The following ADAMTS9 variants were observed in gnomAD, a reference collection of about 807,000 sequenced individuals.
ADAMTS9 encodes ADAM metallopeptidase with thrombospondin type 1 motif 9.
A neutral mutation model predicts 257.1 loss-of-function variants in ADAMTS9; 107 were observed. The ratio of observed to expected loss-of-function variants is 0.42; its 90% CI spans 0.36 to 0.49. The LOEUF (loss-of-function observed/expected upper bound fraction) is 0.49. ADAMTS9 is among the 20% of genes least tolerant of loss of function. The pLI is 0.03. For synonymous variants in ADAMTS9, 982 were observed against 880.9 expected (o/e 1.11, Z -2.03); for missense variants, 2,353 against 2,469.1 (o/e 0.95, Z 1.00).
At chr3:64,529,962 C>A (rs2082955867) in intron 38 of ADAMTS9, among the ~76,000 whole-genome samples, 1 of 151,306 alleles carries the variant, frequency 6.6e-6, no homozygotes. Context: ...CAGGTGCACA[C>A]CACCACAGTC....
intron 27 of ADAMTS9, among the ~76,000 whole-genome samples, chr3:64,595,889 T>G (rs2084356260): frequency 6.6e-6 from 1 of 152,198 alleles, no homozygotes; most frequent in Non-Finnish European, 1.5e-5. Flanking sequence ...CAACAAACTT[T>G]AAATATGTGC....
chr3:64,662,903 T>A (rs1337402026), intron 3 of ADAMTS9, among the ~76,000 whole-genome samples: 1 of 152,138 alleles, frequency 6.6e-6, no homozygotes, highest in Admixed American at 6.6e-5. Context: ...ACACAAACTT[T>A]ATTTCATGCA....
At chr3:64,675,372 C>T (rs573636707) in intron 3 of ADAMTS9, among the ~76,000 whole-genome samples, 2 of 152,264 alleles carry the variant, frequency 1.3e-5, no homozygotes, top group Admixed American at 1.3e-4. Flanking sequence ...AAAGAAGATG[C>T]TCCAAAAATG....
chr3:64,555,004 C>T (rs1052004704), intron 30 of ADAMTS9, among the ~76,000 whole-genome samples: 6 of 152,152 alleles, frequency 3.9e-5, no homozygotes, highest in African/African-American at 7.2e-5. Flanking sequence ...ATTCCCTAAC[C>T]ATGGGGGGAA....
chr3:64,597,283 T>C (rs2084384351), intron 26 of ADAMTS9, among the ~76,000 whole-genome samples: 1 of 152,202 alleles, frequency 6.6e-6, no homozygotes, highest in Non-Finnish European at 1.5e-5. Flanking sequence ...GGCCACTTAC[T>C]GTCTTTATCC....
Position 64,546,964 on chromosome 3 carries a change from G to GGGATTGAGAGGA in ADAMTS9, c.4870-24_4870-13dup, listed in dbSNP as rs540169272. The GGGATTGAGAGGA allele has an allele frequency of 1.0e-4, 161 of 1,597,110 alleles. 1 individual carries two copies. In the East Asian group the frequency reaches 2.7e-3, roughly 27 times the overall value. On this transcript the variant is annotated splice_polypyrimidine_tract_variant and intron_variant, in intron 31 of 39. Transcript: ENST00000498707. The stretch of plus-strand genomic sequence containing the variant: ...CAGGTCACTGAGCACTGCAAAGACA[G>GGGATTGAGAGGA]GGATTGAGAGGAGAGGTTCGAGCAG...
chr3:64,544,327 A>G (rs1559755842), intron 32 of ADAMTS9, among the ~76,000 whole-genome samples: 2 of 152,182 alleles, frequency 1.3e-5, no homozygotes, highest in Non-Finnish European at 2.9e-5. Context: ...AGCCGAAAGA[A>G]CAAAGCTGGA....
intron 30 of ADAMTS9, chr3:64,561,313 C>T (rs1035840775): frequency 6.2e-6 from 2 of 322,960 alleles, no homozygotes; most frequent in South Asian, 8.5e-5. Context: ...GGCCCACAGC[C>T]TGTTAAAGTT....
intron 26 of ADAMTS9, 50 bp downstream of exon 26, chr3:64,601,894 A>T: frequency 6.5e-7 from 1 of 1,540,290 alleles, no homozygotes; most frequent in African/African-American, 1.4e-5. Context: ...TTTTACCCTA[A>T]ACCCAACCTC....
intron 37 of ADAMTS9, among the ~76,000 whole-genome samples, chr3:64,534,681 T>C (rs1365502629): frequency 6.6e-6 from 1 of 152,154 alleles, no homozygotes; most frequent in African/African-American, 2.4e-5. Context: ...CCAGAGGACT[T>C]AGTTTGGACT....
At chr3:64,568,307 C>T in intron 29 of ADAMTS9, 61 bp downstream of exon 29, 7 of 1,549,636 alleles carry the variant, frequency 4.5e-6, no homozygotes, top group Non-Finnish European at 6.1e-6. Context: ...AGTGAACACA[C>T]TGGGGTCAGC....
intron 28 of ADAMTS9, among the ~76,000 whole-genome samples, chr3:64,575,862 A>G (rs971437302): frequency 6.6e-6 from 1 of 152,168 alleles, no homozygotes; most frequent in Non-Finnish European, 1.5e-5. Flanking sequence ...CATCATTACT[A>G]CTATTATTTC....
At chr3:64,670,957 T>C (rs1397194820) in intron 3 of ADAMTS9, among the ~76,000 whole-genome samples, 2 of 152,168 alleles carry the variant, frequency 1.3e-5, no homozygotes, top group Non-Finnish European at 2.9e-5. Context: ...CAAAATGGCA[T>C]AACCACTTTG....
chr3:64,684,235 G>A (rs536252095), intron 2 of ADAMTS9, among the ~76,000 whole-genome samples: 1 of 152,176 alleles, frequency 6.6e-6, no homozygotes, highest in African/African-American at 2.4e-5. Context: ...GAGAAAGACT[G>A]GAGAAGAAGC....
intron 22 of ADAMTS9, among the ~76,000 whole-genome samples, chr3:64,608,258 C>CAAAAAAAAAAAAAAAAAA (rs57247914): frequency 1.9e-5 from 1 of 53,308 alleles, no homozygotes. Flanking sequence ...AAACTAAAAC[C>CAAAAAAAAAAAAAAAAAA]AAAAAAAAAA....
At position 64,604,218 on chromosome 3, in the gene ADAMTS9, A is replaced by G. The variant is rs1227694487; in HGVS notation, c.3579+9T>C. 6.2e-7 allele frequency: 1 copy of G among 1,609,334 alleles called. No individual in the cohort carries two copies. The highest frequency in any genetic ancestry group is 8.5e-7 in the Non-Finnish European group (1 of 1,176,966). The stretch of plus-strand genomic sequence containing the variant: ...CTGCCCTCCCCATTTCTCCCAGTCT[A>G]TTTCTTACTGGGGTCCAAGACCCAA... On this transcript the variant is annotated intron_variant, in intron 24 of 39. Coordinates refer to ENST00000498707, the MANE Select transcript of ADAMTS9 (RefSeq NM_182920.2).
In ADAMTS9 at chr3:64,687,715, C is replaced by G; in HGVS notation, c.-58G>C. The G allele has an allele frequency of 7.6e-7, 1 of 1,312,402 alleles. No individual in the cohort carries two copies. Among genetic ancestry groups the G allele is most frequent in the South Asian group, 1.6e-5 (1 of 62,308 alleles). 81.3% of individuals were successfully genotyped at this position (1,312,402 alleles called of 1,614,324 possible). On this transcript the variant is annotated 5_prime_UTR_variant, in exon 1 of 40. Transcript: ENST00000498707. This position sits in a 1 kb window ranked among gnomAD's most constrained non-coding sequence, Gnocchi z 4.4. Reference sequence around the variant, plus strand: ...CCCCCCTCCCTCCTGCCCTCCTTGGCTGCGGCGGCGACGCGAGGCAGCGGC... The same window carrying G: ...CCCCCCTCCCTCCTGCCCTCCTTGGGTGCGGCGGCGACGCGAGGCAGCGGC...
chr3:64,609,077 T>C (rs544842898), intron 22 of ADAMTS9, among the ~76,000 whole-genome samples: 11 of 152,154 alleles, frequency 7.2e-5, no homozygotes, highest in African/African-American at 2.4e-4. Context: ...CATCTTTTCA[T>C]GATAAAACAA....
intron 38 of ADAMTS9, 27 bp from the exon 39 acceptor site, chr3:64,522,287 T>C (rs1398551540): frequency 2.5e-6 from 4 of 1,607,098 alleles, no homozygotes; most frequent in Middle Eastern, 1.6e-4. Flanking sequence ...CATGTTAGCC[T>C]GCCTGCTTGG....
Sources: allele counts gnomAD v4.1 joint callset (sites outside exome capture counted in the v4.1 genomes callset), GRCh38; gene constraint gnomAD v4.1.1; non-coding constraint Gnocchi (gnomAD v3.1); transcripts MANE v1.5; gene names NCBI Gene and HGNC (gene_info 2026-07-23, HGNC 2026-07-21).